UNC79: variants seen among roughly 807,000 people sequenced by gnomAD.
UNC79 encodes unc-79 subunit of NALCN channel complex.
UNC79 carries 37 observed loss-of-function variants against 283.1 expected under a neutral mutation model. That is an observed-to-expected ratio of 0.13 (90% CI 0.10 to 0.17). The LOEUF is 0.17. Ranked by LOEUF, UNC79 falls within the 10% of genes least tolerant of loss-of-function variation. The pLI, the probability that UNC79 is intolerant of heterozygous loss-of-function variation, is 1.00. For synonymous variants in UNC79, 1,107 were observed against 1,200.2 expected, an observed-to-expected ratio of 0.92 and a Z score of 1.61; for missense variants, 2,272 against 3,211.1, an observed-to-expected ratio of 0.71 and a Z score of 7.07.
Position 93,613,219 on chromosome 14 carries a change from A to G in UNC79, c.4041+136A>G, listed in dbSNP as rs970404889. The G allele has an allele frequency of 2.6e-5, 30 of 1,155,768 alleles. No individual in the cohort carries two copies. The African/African-American group carries it at 4.2e-4, about 16-fold the overall frequency. 71.6% of individuals were successfully genotyped at this position (1,155,768 alleles called of 1,614,324 possible). On this transcript the variant is annotated intron_variant, in intron 27 of 48. Transcript: ENST00000555664. ...CTTGGTATTATGCAGGAGTATGTGG[A>G]GGGGAATGTGAACATTAGTAAGAAT... is the stretch of plus-strand genomic sequence containing the variant.
intron 1 of UNC79, among the ~76,000 whole-genome samples, chr14:93,401,844 A>G (rs2055113450): frequency 6.6e-6 from 1 of 152,216 alleles, no homozygotes; most frequent in Admixed American, 6.5e-5. Flanking sequence ...TTAGGTAGAA[A>G]CAAACAGACA....
chr14:93,499,032 G>C (rs2140648520), intron 7 of UNC79, among the ~76,000 whole-genome samples: 1 of 152,304 alleles, frequency 6.6e-6, no homozygotes, highest in East Asian at 1.9e-4. Context: ...ACTGAATTCA[G>C]GTGTCTGATT....
At chr14:93,501,359 T>C (rs116953093) in intron 7 of UNC79, among the ~76,000 whole-genome samples, 1 of 151,222 alleles carries the variant, frequency 6.6e-6, no homozygotes, top group African/African-American at 2.4e-5. Flanking sequence ...AAAAGCAAAA[T>C]TTTTTTTTAA....
chr14:93,707,025 G>A, downstream of UNC79: 1 of 1,250,396 alleles, frequency 8.0e-7, no homozygotes, highest in Non-Finnish European at 1.1e-6. Flanking sequence ...TTCTAGTTTA[G>A]TAAAAGATGT....
chr14:93,404,493 A>AAAAAAAAAAATATATATATATATAT, intron 1 of UNC79, among the ~76,000 whole-genome samples: 23 of 61,478 alleles, frequency 3.7e-4, no homozygotes, highest in Admixed American at 1.2e-3. Flanking sequence ...TTCTAAAAAA[A>AAAAAAAAAAATATATATATATATAT]ATATATATAT....
At chr14:93,392,018 A>G (rs1055700710) in intron 1 of UNC79, among the ~76,000 whole-genome samples, 7 of 152,230 alleles carry the variant, frequency 4.6e-5, no homozygotes, top group Non-Finnish European at 1.0e-4. Context: ...AAAACAGTTT[A>G]TCATGATACA....
chr14:93,590,840 T>A (rs1247779408), intron 22 of UNC79, among the ~76,000 whole-genome samples: 2 of 152,342 alleles, frequency 1.3e-5, no homozygotes, highest in African/African-American at 4.8e-5. Context: ...ATTCTTCAAC[T>A]ACACCGGAAG....
intron 14 of UNC79, among the ~76,000 whole-genome samples, chr14:93,544,952 T>G (rs2061530334): frequency 6.6e-6 from 1 of 152,132 alleles, no homozygotes; most frequent in Non-Finnish European, 1.5e-5. Flanking sequence ...TCCTTTGAAT[T>G]TTATATCATA....
intron 1 of UNC79, among the ~76,000 whole-genome samples, chr14:93,365,483 A>G (rs117508004): frequency 6.6e-6 from 1 of 152,278 alleles, no homozygotes; most frequent in Non-Finnish European, 1.5e-5. Context: ...CTCAAGAAAT[A>G]GAACTAATAC....
intron 2 of UNC79, among the ~76,000 whole-genome samples, chr14:93,468,777 TC>T (rs1453547354): frequency 6.6e-6 from 1 of 152,232 alleles, no homozygotes; most frequent in Non-Finnish European, 1.5e-5. Flanking sequence ...TATCTTTCCT[TC>T]TTTAGAGTCC....
intron 1 of UNC79, among the ~76,000 whole-genome samples, chr14:93,351,802 T>TG (rs1347570792): frequency 6.6e-6 from 1 of 152,166 alleles, no homozygotes; most frequent in Non-Finnish European, 1.5e-5. Flanking sequence ...AGGAAGGAGT[T>TG]GGAGTTCCAG....
intron 14 of UNC79, among the ~76,000 whole-genome samples, chr14:93,543,383 CTT>C (rs369252676): frequency 2.3e-4 from 32 of 140,756 alleles, no homozygotes; most frequent in Non-Finnish European, 2.3e-4. Context: ...TTCTTTTTTC[CTT>C]TTTTTTTTTT....
At chr14:93,564,415 A>C (rs2141481069) in intron 14 of UNC79, among the ~76,000 whole-genome samples, 1 of 152,332 alleles carries the variant, frequency 6.6e-6, no homozygotes, top group South Asian at 2.1e-4. Flanking sequence ...CAGGGAGAGC[A>C]CGTGTGTTAC....
At chr14:93,351,619 A>C (rs1165355180) in intron 1 of UNC79, among the ~76,000 whole-genome samples, 1 of 152,166 alleles carries the variant, frequency 6.6e-6, no homozygotes, top group Admixed American at 6.5e-5. Context: ...CTCAAAATTT[A>C]TATTGATGTA....
At chr14:93,367,903 A>C (rs544512387) in intron 1 of UNC79, among the ~76,000 whole-genome samples, 1 of 152,378 alleles carries the variant, frequency 6.6e-6, no homozygotes, top group South Asian at 2.1e-4. Flanking sequence ...CAATATGGAC[A>C]CAATAGCTGC....
At chr14:93,622,492 G>A (rs747494665) in exon 30 of UNC79, 7 of 1,613,934 alleles carry the variant, frequency 4.3e-6, no homozygotes, top group African/African-American at 4.0e-5. Context: ...TTCAGAAGTC[G>A]TTTGCTCTCC....
intron 31 of UNC79, chr14:93,634,572 A>T: frequency 6.2e-7 from 1 of 1,614,200 alleles, no homozygotes; most frequent in Non-Finnish European, 8.5e-7. Flanking sequence ...ACAATGAGCC[A>T]GTTAATGAAG....
chr14:93,594,197 A>G (rs1161172347), intron 23 of UNC79, among the ~76,000 whole-genome samples: 2 of 152,108 alleles, frequency 1.3e-5, no homozygotes, highest in South Asian at 2.1e-4. Context: ...TAAAATGCAC[A>G]TTATCTGGCC....
At chr14:93,559,440 C>A (rs528552624) in intron 14 of UNC79, among the ~76,000 whole-genome samples, 23 of 152,318 alleles carry the variant, frequency 1.5e-4, no homozygotes, top group Non-Finnish European at 2.5e-4. Flanking sequence ...TGTGTGAGCA[C>A]TAAAGCTTTT....
Sources: allele counts gnomAD v4.1 joint callset (sites outside exome capture counted in the v4.1 genomes callset), GRCh38; gene constraint gnomAD v4.1.1; transcripts MANE v1.5; gene names NCBI Gene and HGNC (gene_info 2026-07-23, HGNC 2026-07-21).